Variants in FCER1G observed in about 807,000 individuals in gnomAD.
FCER1G encodes high affinity immunoglobulin epsilon receptor subunit gamma.
In FCER1G, 7 loss-of-function variants were observed where a neutral mutation model predicts 17.3. The ratio of observed to expected loss-of-function variants is 0.40; its 90% CI spans 0.23 to 0.76. The LOEUF is 0.76. FCER1G is among the 30% of genes least tolerant of loss of function. The probability of loss-of-function intolerance (pLI) is 0.35; values close to 1 mark genes in which losing one functional copy is unlikely to be tolerated. For missense variants in FCER1G, 87 were observed against 97.7 expected, an observed-to-expected ratio of 0.89 and a Z score of 0.46; for synonymous variants, 35 against 38.7, an observed-to-expected ratio of 0.90 and a Z score of 0.35.
Position 161,219,018 on chromosome 1 carries a change from C to T in FCER1G, c.*75C>T. 1 of 1,138,722 alleles carries T rather than the reference C, an allele frequency of 8.8e-7. No homozygotes were observed. The allele number at this position is 1,138,722 out of a possible 1,614,324, so 70.5% of individuals were successfully genotyped here. On this transcript the variant is annotated 3_prime_UTR_variant, in exon 5 of 5. Coordinates refer to ENST00000289902, the MANE Select transcript of FCER1G (RefSeq NM_004106.2). Reference sequence around the variant, plus strand: ...CCCTCATGGTTGGCATCACATATGCCTGCATGCCATTAACACCAGCTGGCC... The same window carrying T: ...CCCTCATGGTTGGCATCACATATGCTTGCATGCCATTAACACCAGCTGGCC...
chr1:161,217,742 AATT>A (rs1403383885), intron 1 of FCER1G, among the ~76,000 whole-genome samples: 3 of 152,120 alleles, frequency 2.0e-5, no homozygotes, highest in African/African-American at 7.2e-5. Context: ...GGAAGGCCTC[AATT>A]ATTAGTCCGT....
chr1:161,217,999 G>C lies in FCER1G; in HGVS notation c.63G>C (p.Glu21Asp), dbSNP rs147892644. The C allele has an allele frequency of 3.7e-6, 6 of 1,613,506 alleles. No individual in the cohort carries two copies. The Admixed American group carries it at 5.0e-5, about 13-fold the overall frequency. Reference protein sequence around the residue: ...LLVEQAAALGEPQLCYILDAI... With the variant: ...LLVEQAAALGDPQLCYILDAI... ...CTATCCCCTCAGCGGCCCTGGGAGA[G>C]CCTCAGCTCTGCTATATCCTGGATG... The change falls in exon 2 of 5, where the codon GAG (glutamate) becomes GAC (aspartate). Residue 21 changes from glutamate (E) to aspartate (D), a missense_variant. Transcript: ENST00000289902.
chr1:161,218,137 A>G, intron 2 of FCER1G, 60 bp downstream of exon 2: 1 of 1,535,256 alleles, frequency 6.5e-7, no homozygotes. Flanking sequence ...GGCAGCAGCA[A>G]GGATTCGAAG....
intron 1 of FCER1G, among the ~76,000 whole-genome samples, chr1:161,215,682 T>C (rs1382862742): frequency 2.0e-5 from 3 of 152,074 alleles, no homozygotes; most frequent in African/African-American, 7.2e-5. Flanking sequence ...AACCTCTGCC[T>C]CCTGGGTTCA....
chr1:161,218,320 T>C lies in FCER1G; in HGVS notation c.177+44T>C, dbSNP rs774755233. ...CTGGTGTGGACAACTTTTCAGACCC[T>C]CAGCCCTCCTGGGGCTCTAGCCTGG... On this transcript the variant is annotated intron_variant, in intron 3 of 4. Transcript: ENST00000289902. The C allele has an allele frequency of 3.9e-6, 6 of 1,547,534 alleles. No individual in the cohort carries two copies. The East Asian group carries it at 1.3e-4, about 35-fold the overall frequency.
chr1:161,218,827 G>A, intron 4 of FCER1G, 54 bp from the exon 5 acceptor site: 2 of 1,578,512 alleles, frequency 1.3e-6, no homozygotes, highest in Non-Finnish European at 1.7e-6. Context: ...GTGGAGGTGG[G>A]AGGGGCCTCT....
chr1:161,219,229 A>C lies in FCER1G; in HGVS notation c.*286A>C. On this transcript the variant is annotated 3_prime_UTR_variant, in exon 5 of 5. Transcript: ENST00000289902. ...TATGGGAAGGGAGAACCCCCAATAA[A>C]ACTGCCATGGACTGGACTCTATTCA... 1 of 468,930 alleles carries C rather than the reference A, an allele frequency of 2.1e-6. No homozygotes were observed. Among genetic ancestry groups the C allele is most frequent in the Non-Finnish European group, 3.8e-6 (1 of 260,710 alleles). The allele number at this position is 468,930 out of a possible 1,614,324, so 29.0% of individuals were successfully genotyped here. A position where few individuals can be genotyped will look rare whatever the true frequency, so the allele number is the denominator to read the frequency against.
intron 1 of FCER1G, among the ~76,000 whole-genome samples, chr1:161,216,336 A>G (rs1029563036): frequency 1.3e-5 from 2 of 151,106 alleles, no homozygotes; most frequent in Non-Finnish European, 2.9e-5. Context: ...GATTTTACAT[A>G]TATATCTCTA....
At chr1:161,216,481 T>G (rs1454599587) in intron 1 of FCER1G, among the ~76,000 whole-genome samples, 1 of 151,460 alleles carries the variant, frequency 6.6e-6, no homozygotes, top group African/African-American at 2.4e-5. Context: ...ACTCTGTTCT[T>G]GTGCTTGGGA....
intron 2 of FCER1G, 30 bp from the exon 3 acceptor site, chr1:161,218,211 C>T (rs774667558): frequency 2.5e-6 from 4 of 1,609,546 alleles, no homozygotes; most frequent in East Asian, 2.2e-5. Flanking sequence ...ATTAACTTAC[C>T]CTTTACTGAT....
intron 1 of FCER1G, among the ~76,000 whole-genome samples, chr1:161,215,838 C>T (rs1442471476): frequency 4.6e-5 from 7 of 152,034 alleles, no homozygotes; most frequent in Non-Finnish European, 1.0e-4. Flanking sequence ...GTGATCCACC[C>T]ACCTCGACCT....
At chr1:161,216,410 A>AT (rs1666051846) in intron 1 of FCER1G, among the ~76,000 whole-genome samples, 2 of 143,214 alleles carry the variant, frequency 1.4e-5, no homozygotes, top group Admixed American at 1.4e-4. Context: ...ACACACACAC[A>AT]CATATATATA....
Position 161,217,996 on chromosome 1 carries a change from A to G in FCER1G, c.60A>G (p.Gly20=), listed in dbSNP as rs775821278. 1 of 1,612,942 alleles carries G rather than the reference A, an allele frequency of 6.2e-7. No homozygotes were observed. The highest frequency in any genetic ancestry group is 1.3e-5 in the African/African-American group (1 of 74,838). ...CCTCTATCCCCTCAGCGGCCCTGGG[A>G]GAGCCTCAGCTCTGCTATATCCTGG... ...LLLVEQAAAL[G]EPQLCYILDA... The change falls in exon 2 of 5, where the codon GGA becomes GGG. Residue 20 remains glycine, a synonymous_variant. Coordinates refer to ENST00000289902, the MANE Select transcript of FCER1G (RefSeq NM_004106.2).
chr1:161,217,459 G>A (rs1273621485), intron 1 of FCER1G, among the ~76,000 whole-genome samples: 1 of 150,246 alleles, frequency 6.7e-6, no homozygotes, highest in Non-Finnish European at 1.5e-5. Context: ...GCTGAGGCTA[G>A]GAGATGACCA....
chr1:161,217,408 T>A (rs1322916455), intron 1 of FCER1G, among the ~76,000 whole-genome samples: 2 of 148,748 alleles, frequency 1.3e-5, no homozygotes, highest in Non-Finnish European at 3.0e-5. Flanking sequence ...TTTTTTTTTT[T>A]ACATATTTAA....
At chr1:161,218,806 AG>A (rs544235134) in intron 4 of FCER1G, 74 bp from the exon 5 acceptor site, 105 of 1,209,024 alleles carry the variant, frequency 8.7e-5, no homozygotes, top group South Asian at 3.8e-4. Context: ...CGGTGGGGGG[AG>A]GGGGGTCCTG....
At chr1:161,217,385 CTTTTTTTTT>C (rs748410818) in intron 1 of FCER1G, among the ~76,000 whole-genome samples, 1 of 121,390 alleles carries the variant, frequency 8.2e-6, no homozygotes, top group East Asian at 2.5e-4. Flanking sequence ...AACAGACACA[CTTTTTTTTT>C]TTTTTTTTTT....
At position 161,218,968 on chromosome 1, in the gene FCER1G, C is replaced by G. The variant is rs1449603054; in HGVS notation, c.*25C>G. 1.9e-6 allele frequency: 3 copies of G among 1,581,702 alleles called. No homozygotes were observed. The highest frequency in any genetic ancestry group is 2.6e-6 in the Non-Finnish European group (3 of 1,150,540). On this transcript the variant is annotated 3_prime_UTR_variant, in exon 5 of 5. Transcript: ENST00000289902. The stretch of plus-strand genomic sequence containing the variant: ...GCTTTAGAATAGATGCGGTCATATT[C>G]TTCTTTGGCTTCTGGTTCTTCCAGC...
chr1:161,218,538 G>A (rs1182458637), intron 3 of FCER1G, among the ~76,000 whole-genome samples, 165 bp from the exon 4 acceptor site: 1 of 152,174 alleles, frequency 6.6e-6, no homozygotes, highest in Non-Finnish European at 1.5e-5. Context: ...TGTGCTTGTA[G>A]CCATGTGGGC....
Sources: gnomAD v4.1 joint callset for allele counts (sites outside exome capture counted in the v4.1 genomes callset) on GRCh38, gnomAD v4.1.1 for gene constraint, MANE v1.5 for transcripts, NCBI Gene and HGNC (gene_info 2026-07-23, HGNC 2026-07-21) for gene names.